ECT2: variants seen among roughly 807,000 people sequenced by gnomAD.
The protein encoded by ECT2 is epithelial cell transforming 2.
In ECT2, 61 loss-of-function variants were observed where a neutral mutation model predicts 116.9. The observed-to-expected ratio is 0.52, with a 90% CI of 0.42 to 0.65. The LOEUF is 0.65. ECT2 is among the 30% of genes least tolerant of loss of function. ECT2 has a pLI of 0.00. For missense variants in ECT2, 937 were observed against 1,078.7 expected (o/e 0.87, Z 1.84); for synonymous variants, 358 against 346.4 (o/e 1.03, Z -0.37).
chr3:172,766,579 C>A (rs1719434792), intron 12 of ECT2, among the ~76,000 whole-genome samples: 1 of 151,930 alleles, frequency 6.6e-6, no homozygotes, highest in Admixed American at 6.6e-5. Flanking sequence ...GTAAGAAGCA[C>A]TGGAGAAATA....
chr3:172,773,040 T>C (rs1021263662), intron 13 of ECT2, among the ~76,000 whole-genome samples: 1 of 152,208 alleles, frequency 6.6e-6, no homozygotes, highest in African/African-American at 2.4e-5. Flanking sequence ...TGCCTTTCCA[T>C]ATAAATTTTT....
intron 17 of ECT2, among the ~76,000 whole-genome samples, chr3:172,785,160 C>G (rs1054761093): frequency 3.3e-5 from 5 of 151,966 alleles, no homozygotes; most frequent in Non-Finnish European, 7.4e-5. Context: ...TTTTGTAGCC[C>G]TTTTTTGAAT....
intron 17 of ECT2, 91 bp downstream of exon 17, chr3:172,784,894 T>C: frequency 7.3e-6 from 6 of 819,838 alleles, no homozygotes; most frequent in East Asian, 2.6e-5. Context: ...TTTTAGAGTT[T>C]CTTAGATTTC....
rs1729798344 is a variant in ECT2, at chr3:172,816,785, C to G, written c.2603C>G (p.Ser868Cys). ...GGCTCAGTGGAGGGAAGAAGTCCTT[C>G]CAGCAATGATAAGCATGTAATGAGT... ...SHGSVEGRSPSSNDKHVMSRL... is the reference protein window; with the variant it reads ...SHGSVEGRSPCSNDKHVMSRL... Residue 868 changes from serine to cysteine, a missense_variant, in exon 24 of 25, where the codon TCC becomes TGC. Coordinates refer to ENST00000392692, the MANE Select transcript of ECT2 (RefSeq NM_001258315.2). The G allele has an allele frequency of 1.9e-6, 3 of 1,610,104 alleles. No individual in the cohort carries two copies. The South Asian group carries it at 3.3e-5, about 18-fold the overall frequency.
At chr3:172,793,515 G>T (rs1299096050) in intron 18 of ECT2, among the ~76,000 whole-genome samples, 3 of 151,778 alleles carry the variant, frequency 2.0e-5, no homozygotes, top group Non-Finnish European at 4.4e-5. Context: ...CCAGACTGGA[G>T]TGCAGTGGCG....
chr3:172,758,243 A>G (rs79653413), intron 5 of ECT2, among the ~76,000 whole-genome samples: 4,828 of 152,166 alleles, frequency 0.032, 162 homozygotes, highest in East Asian at 0.16. Context: ...TGGCATTCTT[A>G]AGCTTGCCTT....
At chr3:172,770,489 A>G (rs7625283) in intron 13 of ECT2, among the ~76,000 whole-genome samples, 9,326 of 152,156 alleles carry the variant, frequency 0.061, 963 homozygotes, top group African/African-American at 0.21. Flanking sequence ...TAAATTCATG[A>G]TAGTATTCTC....
At chr3:172,761,443 C>T (rs1459250589) in intron 7 of ECT2, among the ~76,000 whole-genome samples, 167 bp from the exon 8 acceptor site, 1 of 152,004 alleles carries the variant, frequency 6.6e-6, no homozygotes, top group African/African-American at 2.4e-5. Context: ...GTTATTTTAC[C>T]CTAACTTGTA....
intron 15 of ECT2, among the ~76,000 whole-genome samples, chr3:172,783,194 A>C (rs1052884988): frequency 6.6e-6 from 1 of 152,194 alleles, no homozygotes; most frequent in Non-Finnish European, 1.5e-5. Flanking sequence ...CTCTTTAAAT[A>C]GGATTTGTAA....
chr3:172,822,459 G>A (rs1398369228), downstream of ECT2, among the ~76,000 whole-genome samples: 5 of 151,984 alleles, frequency 3.3e-5, no homozygotes, highest in African/African-American at 1.2e-4. Context: ...ATAATGCTAA[G>A]TGTAGACTGA....
intron 13 of ECT2, among the ~76,000 whole-genome samples, chr3:172,773,124 G>C (rs1186584143): frequency 6.6e-6 from 1 of 152,132 alleles, no homozygotes; most frequent in African/African-American, 2.4e-5. Context: ...CAATTTGAGG[G>C]AGAATTGACA....
chr3:172,784,659 A>G, intron 16 of ECT2, 48 bp from the exon 17 acceptor site: 1 of 1,414,556 alleles, frequency 7.1e-7, no homozygotes, highest in Non-Finnish European at 1.0e-6. Flanking sequence ...AGGGCATATA[A>G]TCTTTTCAGA....
chr3:172,769,470 C>A (rs1720202731), intron 13 of ECT2, among the ~76,000 whole-genome samples: 2 of 152,068 alleles, frequency 1.3e-5, no homozygotes. Flanking sequence ...TGATAGATAA[C>A]TTTTTCTGAA....
chr3:172,789,136 T>A (rs542331196), intron 18 of ECT2, among the ~76,000 whole-genome samples: 24 of 151,702 alleles, frequency 1.6e-4, no homozygotes, highest in Middle Eastern at 6.8e-3. Flanking sequence ...GGATCTTGCC[T>A]TGATGTTGAT....
At chr3:172,753,616 C>T (rs1301577784) in intron 1 of ECT2, among the ~76,000 whole-genome samples, 1 of 152,146 alleles carries the variant, frequency 6.6e-6, no homozygotes, top group African/African-American at 2.4e-5. Context: ...GGTTTAGAGA[C>T]ATCCACAGAG....
chr3:172,805,031 T>C (rs1398505140), intron 20 of ECT2, among the ~76,000 whole-genome samples: 1 of 152,112 alleles, frequency 6.6e-6, no homozygotes, highest in East Asian at 1.9e-4. Context: ...AATAAACTTA[T>C]TCTTTAGCTT....
At chr3:172,803,526 A>G (rs1260325402) in intron 20 of ECT2, among the ~76,000 whole-genome samples, 1 of 152,168 alleles carries the variant, frequency 6.6e-6, no homozygotes, top group Non-Finnish European at 1.5e-5. Flanking sequence ...TTACCCCTGC[A>G]AGCAAATTGA....
chr3:172,797,516 G>A (rs2108936731), intron 18 of ECT2, among the ~76,000 whole-genome samples: 1 of 152,258 alleles, frequency 6.6e-6, no homozygotes, highest in African/African-American at 2.4e-5. Flanking sequence ...ACACTAAAAT[G>A]TTCATCTTGA....
rs1359804759 is a variant in ECT2, at chr3:172,799,224, TG to T, written c.1908-3391del. Among the ~76,000 whole-genome samples the T allele has an allele frequency of 3.3e-5, 5 of 152,314 alleles. No homozygotes were observed. The South Asian group carries it at 1.0e-3, about 32-fold the overall frequency. On this transcript the variant is annotated intron_variant, in intron 18 of 24. Transcript: ENST00000392692. ...CCATAAAATTGCTAAAAATGGGAAC[TG>T]TACTGTTTCTAAAGCCCTATCAACG...
Sources: gnomAD v4.1 joint callset for allele counts (sites outside exome capture counted in the v4.1 genomes callset) on GRCh38, gnomAD v4.1.1 for gene constraint, MANE v1.5 for transcripts, NCBI Gene and HGNC (gene_info 2026-07-23, HGNC 2026-07-21) for gene names.